STYXL2: variants seen among roughly 807,000 people sequenced by gnomAD.
STYXL2 encodes the protein serine/threonine/tyrosine interacting like 2, also known as serine/threonine/tyrosine-interacting-like protein 2.
STYXL2 carries 44 observed loss-of-function variants against 52.4 expected under a neutral mutation model. The ratio of observed to expected loss-of-function variants is 0.84; its 90% CI spans 0.66 to 1.08. The LOEUF (loss-of-function observed/expected upper bound fraction) is 1.08, where lower values mean the gene tolerates loss of function less well. Among genes scored for constraint, STYXL2 ranks in the 50% least tolerant of loss-of-function variants. STYXL2 has a pLI of 0.00. For synonymous variants in STYXL2, 604 were observed against 586.9 expected, an observed-to-expected ratio of 1.03 and a Z score of -0.42; for missense variants, 1,604 against 1,471.7, an observed-to-expected ratio of 1.09 and a Z score of -1.47.
rs371011111 is a variant in STYXL2 at position 167,126,652 on chromosome 1, G to A, written c.1521G>A (p.Arg507=). 25 of 1,614,144 alleles carry A rather than the reference G, an allele frequency of 1.5e-5. No individual in the cohort carries two copies. The African/African-American group carries it at 3.2e-4, about 21-fold the overall frequency. ...AKSKREEAAD[R]SSEAGSRVRE... ...GCAAGAGAGAGGAGGCGGCAGACAG[G>A]AGCTCAGAAGCAGGGAGCAGGGTGC... is the stretch of plus-strand genomic sequence containing the variant. The change falls in exon 6 of 6, where the codon AGG becomes AGA. Residue 507 remains arginine (R), a synonymous_variant. Transcript: ENST00000361200.
intron 2 of STYXL2, among the ~76,000 whole-genome samples, chr1:167,106,429 C>A (rs911448318): frequency 6.6e-6 from 1 of 152,140 alleles, no homozygotes; most frequent in Non-Finnish European, 1.5e-5. Context: ...AGGAAGAAGG[C>A]CTTGTAATCC....
Position 167,126,850 on chromosome 1 carries a change from G to A in STYXL2, c.1719G>A (p.Glu573=). 6.2e-7 allele frequency: 1 copy of A among 1,614,130 alleles called. No individual in the cohort carries two copies. Among genetic ancestry groups the A allele is most frequent in the Non-Finnish European group, 8.5e-7 (1 of 1,179,996 alleles). Residue 573 remains glutamate (E), a synonymous_variant, in exon 6 of 6, where the codon GAG becomes GAA. Transcript: ENST00000361200. ...AGDSSGEPGA[E]EAVGEKNPSD... Reference sequence around the variant, plus strand: ...ACAGCAGCGGTGAGCCCGGTGCAGAGGAGGCAGTAGGGGAGAAGAACCCCT... The same window carrying A: ...ACAGCAGCGGTGAGCCCGGTGCAGAAGAGGCAGTAGGGGAGAAGAACCCCT...
rs774644594 is a variant in STYXL2, at chr1:167,128,350, G to A, written c.3219G>A (p.Glu1073=). The A allele has an allele frequency of 1.6e-5, 26 of 1,614,062 alleles. No homozygotes were observed. Among genetic ancestry groups the A allele is most frequent in the Non-Finnish European group, 2.2e-5 (26 of 1,180,030 alleles). The change falls in exon 6 of 6, where the codon GAG becomes GAA. Residue 1073 remains glutamate, a synonymous_variant. Coordinates refer to ENST00000361200, the MANE Select transcript of STYXL2 (RefSeq NM_001080426.3). The part of the protein sequence containing the change: ...ARSRDWEDVE[E]SSKSDFSEFG... ...CCAGGGACTGGGAAGATGTGGAAGA[G>A]TCATCCAAGTCAGACTTCTCTGAAT...
At position 167,117,372 on chromosome 1, in the gene STYXL2, A is replaced by T. The variant is rs1201384935; in HGVS notation, c.250A>T (p.Met84Leu). ...GVRADAECPG[M>L]LESAEQLLVE... is the part of the protein sequence containing the mutation. ...CAGAGCAGACGCAGAGTGTCCAGGC[A>T]TGCTGGAGTCTGCTGAACAGCTGCT... Residue 84 changes from methionine (M) to leucine (L), a missense_variant, in exon 4 of 6, where the codon ATG (methionine) becomes TTG (leucine). Coordinates refer to ENST00000361200, the MANE Select transcript of STYXL2 (RefSeq NM_001080426.3). 2 of 1,612,506 alleles carry T rather than the reference A, an allele frequency of 1.2e-6. No homozygotes were observed. Among genetic ancestry groups the T allele is most frequent in the Non-Finnish European group, 1.7e-6 (2 of 1,179,326 alleles).
At chr1:167,110,980 T>C (rs1273267826) in intron 2 of STYXL2, among the ~76,000 whole-genome samples, 1 of 152,238 alleles carries the variant, frequency 6.6e-6, no homozygotes, top group Non-Finnish European at 1.5e-5. Flanking sequence ...ATTGAGATGC[T>C]TTCTCTCCAT....
At chr1:167,125,687 C>G in intron 5 of STYXL2, 100 bp from the exon 6 acceptor site, 1 of 1,445,094 alleles carries the variant, frequency 6.9e-7, no homozygotes, top group Non-Finnish European at 9.0e-7. Context: ...ACCTTAAGTG[C>G]AGCATATTAA....
chr1:167,097,377 T>C (rs928446817), intron 2 of STYXL2, among the ~76,000 whole-genome samples: 1 of 152,240 alleles, frequency 6.6e-6, no homozygotes, highest in African/African-American at 2.4e-5. Context: ...GACAAATCCA[T>C]GTGTTACTAA....
chr1:167,120,469 G>A (rs566960982), intron 5 of STYXL2, among the ~76,000 whole-genome samples: 1 of 152,056 alleles, frequency 6.6e-6, no homozygotes, highest in South Asian at 2.1e-4. Context: ...AACTCCCTTG[G>A]GACAACACCT....
chr1:167,124,946 T>TAATAAAAAAAAAAAAA (rs1667931155), intron 5 of STYXL2, among the ~76,000 whole-genome samples: 1 of 129,698 alleles, frequency 7.7e-6, no homozygotes, highest in African/African-American at 2.8e-5. Context: ...TACAAACTCC[T>TAATAAAAAAAAAAAAA]AAAAAAAAAA....
chr1:167,122,652 TA>T (rs967502456), intron 5 of STYXL2, among the ~76,000 whole-genome samples: 28 of 151,618 alleles, frequency 1.8e-4, no homozygotes, highest in East Asian at 1.7e-3. Context: ...GCTGTACTCT[TA>T]AAAAAAAAAT....
chr1:167,105,225 T>C (rs1365453247), intron 2 of STYXL2, among the ~76,000 whole-genome samples: 1 of 151,414 alleles, frequency 6.6e-6, no homozygotes, highest in Non-Finnish European at 1.5e-5. Context: ...ACCCACTGAA[T>C]TGATTTTATG....
intron 2 of STYXL2, among the ~76,000 whole-genome samples, chr1:167,103,311 G>C (rs1196914522): frequency 6.6e-6 from 1 of 151,914 alleles, no homozygotes; most frequent in Non-Finnish European, 1.5e-5. Context: ...CATTTTGGAG[G>C]GCACCGTTCA....
At position 167,128,083 on chromosome 1, in the gene STYXL2, G is replaced by T. The variant is rs762302853; in HGVS notation, c.2952G>T (p.Gln984His). ...CCAGTTACAAGTTTTCCAAATCCCA[G>T]TCAGAGGAACAGGACACCTCCTCCT... is the stretch of plus-strand genomic sequence containing the variant. The part of the protein sequence containing the change: ...KSSSYKFSKS[Q>H]SEEQDTSSYH... The change falls in exon 6 of 6, where the codon CAG becomes CAT. Residue 984 changes from glutamine (Q) to histidine (H), a missense_variant. By Grantham distance (24) the Gln-to-His change is conservative. Transcript: ENST00000361200. 1.2e-6 allele frequency: 2 copies of T among 1,614,204 alleles called. No individual in the cohort carries two copies. The highest frequency in any genetic ancestry group is 1.7e-6 in the Non-Finnish European group (2 of 1,180,030).
At chr1:167,097,022 G>T (rs1457561782) in intron 2 of STYXL2, among the ~76,000 whole-genome samples, 1 of 152,178 alleles carries the variant, frequency 6.6e-6, no homozygotes, top group Non-Finnish European at 1.5e-5. Context: ...AGGAAATACT[G>T]CTGTCATATC....
At chr1:167,114,063 T>C (rs1313495371) in intron 3 of STYXL2, among the ~76,000 whole-genome samples, 3 of 152,088 alleles carry the variant, frequency 2.0e-5, no homozygotes, top group African/African-American at 7.2e-5. Context: ...TGCTCAATTT[T>C]TGGTTACCTC....
rs267598150 is a variant in STYXL2, at chr1:167,125,981, G to A, written c.850G>A (p.Glu284Lys). 1 of 1,613,128 alleles carries A rather than the reference G, an allele frequency of 6.2e-7. No homozygotes were observed. Among genetic ancestry groups the A allele is most frequent in the South Asian group, 1.1e-5 (1 of 90,930 alleles). ...TGAGAAGTTGATGGAGGAGAGAGAA[G>A]AGGACTATGGCCGGGAGGGGGGATC... ...LNEKLMEEREEDYGREGGSAE... is the reference protein window; with the variant it reads ...LNEKLMEEREKDYGREGGSAE... Residue 284 changes from glutamate to lysine, a missense_variant, in exon 6 of 6, where the codon GAG becomes AAG. Coordinates refer to ENST00000361200, the MANE Select transcript of STYXL2 (RefSeq NM_001080426.3).
rs763892283 is a variant in STYXL2 at position 167,126,741 on chromosome 1, A to G, written c.1610A>G (p.Asn537Ser). Residue 537 changes from asparagine (N) to serine (S), a missense_variant, in exon 6 of 6, where the codon AAC becomes AGC. Coordinates refer to ENST00000361200, the MANE Select transcript of STYXL2 (RefSeq NM_001080426.3). ...ASSFYNFCSR[N>S]KDKLTALERW... ...TCCTTCTACAACTTCTGCAGCAGGA[A>G]CAAGGACAAGCTCACTGCCCTGGAA... The G allele has an allele frequency of 1.2e-6, 2 of 1,614,220 alleles. No homozygotes were observed. Among genetic ancestry groups the G allele is most frequent in the Non-Finnish European group, 1.7e-6 (2 of 1,180,032 alleles).
chr1:167,128,689 C>T lies in STYXL2; in HGVS notation c.*81C>T. ...GGGCACACGTTGCCACCACTCATCG[C>T]AGGATGAGGATACAGAGAGGATCTT... On this transcript the variant is annotated 3_prime_UTR_variant, in exon 6 of 6. Transcript: ENST00000361200. 2 of 1,489,968 alleles carry T rather than the reference C, an allele frequency of 1.3e-6. No individual in the cohort carries two copies. Among genetic ancestry groups the T allele is most frequent in the Non-Finnish European group, 1.8e-6 (2 of 1,129,342 alleles). 92.3% of individuals were successfully genotyped at this position (1,489,968 alleles called of 1,614,324 possible). A position where few individuals can be genotyped will look rare whatever the true frequency, so the allele number is the denominator to read the frequency against.
rs1667757908 is a variant in STYXL2 at position 167,117,669 on chromosome 1, C to A, written c.437+110C>A. 5.1e-6 allele frequency: 5 copies of A among 977,970 alleles called. No individual in the cohort carries two copies. The East Asian group carries it at 1.1e-4, about 21-fold the overall frequency. The allele number at this position is 977,970 out of a possible 1,614,324, so 60.6% of individuals were successfully genotyped here. ...AAGGCGCCCATAGGTCCATCCAGCA[C>A]AATGAGGCTGCCTAGCCACTTACCC... On this transcript the variant is annotated intron_variant, in intron 4 of 5. Transcript: ENST00000361200.
Sources: gnomAD v4.1 joint callset for allele counts (sites outside exome capture counted in the v4.1 genomes callset) on GRCh38, gnomAD v4.1.1 for gene constraint, MANE v1.5 for transcripts, NCBI Gene and HGNC (gene_info 2026-07-23, HGNC 2026-07-21) for gene names.